Variants in MACROD2 observed in about 807,000 individuals in gnomAD.
MACROD2 encodes ADP-ribose glycohydrolase MACROD2.
In MACROD2, 36 loss-of-function variants were observed where a neutral mutation model predicts 70.4. The observed-to-expected ratio is 0.51, with a 90% CI of 0.39 to 0.68. The LOEUF is 0.68. Among genes scored for constraint, MACROD2 ranks in the 30% least tolerant of loss-of-function variants. The pLI, the probability that MACROD2 is intolerant of heterozygous loss-of-function variation, is 0.00. For missense variants in MACROD2, 496 were observed against 538.4 expected (o/e 0.92, Z 0.78); for synonymous variants, 172 against 178.8 (o/e 0.96, Z 0.30).
chr20:14,996,787 A>C (rs780852246), intron 5 of MACROD2, among the ~76,000 whole-genome samples: 6 of 152,214 alleles, frequency 3.9e-5, no homozygotes, highest in Non-Finnish European at 7.3e-5. Context: ...GCCAGTGCCC[A>C]TGGAGGGAGC....
intron 3 of MACROD2, among the ~76,000 whole-genome samples, chr20:14,274,192 A>T (rs2082227653): frequency 6.6e-6 from 1 of 152,214 alleles, no homozygotes; most frequent in Non-Finnish European, 1.5e-5. Context: ...GACATAGCCA[A>T]AAAAGAGAAT....
chr20:14,015,077 T>G (rs1335048157), intron 2 of MACROD2, among the ~76,000 whole-genome samples: 1 of 151,824 alleles, frequency 6.6e-6, no homozygotes, highest in Non-Finnish European at 1.5e-5. Flanking sequence ...ATTACAAGTG[T>G]GAGCCACTGT....
At chr20:14,106,629 G>T (rs1230301207) in intron 3 of MACROD2, among the ~76,000 whole-genome samples, 1 of 152,170 alleles carries the variant, frequency 6.6e-6, no homozygotes, top group African/African-American at 2.4e-5. Context: ...GCAGGACCTG[G>T]TGTTGTGCTG....
chr20:14,652,359 G>A (rs1209481453), intron 4 of MACROD2, among the ~76,000 whole-genome samples: 1 of 152,056 alleles, frequency 6.6e-6, no homozygotes, highest in Non-Finnish European at 1.5e-5. Context: ...TATTTCTTTT[G>A]TCGAACTGCA....
intron 5 of MACROD2, among the ~76,000 whole-genome samples, chr20:14,878,652 A>T (rs979035303): frequency 6.6e-6 from 1 of 152,210 alleles, no homozygotes; most frequent in Non-Finnish European, 1.5e-5. Context: ...GAACATTTTC[A>T]ATTCTACCTA....
chr20:15,382,711 GA>G (rs11477962), intron 6 of MACROD2, among the ~76,000 whole-genome samples: 2,746 of 152,238 alleles, frequency 0.018, 90 homozygotes, highest in African/African-American at 0.062. Flanking sequence ...TCTGAAGAAA[GA>G]ACCACTTTCA....
intron 4 of MACROD2, among the ~76,000 whole-genome samples, chr20:14,587,123 T>C (rs1981435742): frequency 6.6e-6 from 1 of 151,970 alleles, no homozygotes. Context: ...TATAGAACTT[T>C]AAAAATTGGC....
chr20:15,932,662 A>T (rs1034109749), intron 10 of MACROD2, among the ~76,000 whole-genome samples: 2 of 152,222 alleles, frequency 1.3e-5, no homozygotes. Context: ...AGATAAATCC[A>T]CAGATATAGT....
At chr20:14,643,681 C>G (rs1985217226) in intron 4 of MACROD2, among the ~76,000 whole-genome samples, 2 of 152,118 alleles carry the variant, frequency 1.3e-5, no homozygotes, top group Middle Eastern at 3.4e-3. Context: ...TAGGTTATAC[C>G]AGTGTTTGCA....
chr20:15,320,958 G>A (rs1962034532), intron 6 of MACROD2, among the ~76,000 whole-genome samples: 1 of 152,054 alleles, frequency 6.6e-6, no homozygotes, highest in African/African-American at 2.4e-5. Flanking sequence ...TTTGGGTGAG[G>A]AAAAAAACAA....
At chr20:15,721,113 G>A (rs545358502) in intron 8 of MACROD2, among the ~76,000 whole-genome samples, 24 of 152,218 alleles carry the variant, frequency 1.6e-4, no homozygotes, top group African/African-American at 5.5e-4. Context: ...CCTACACATG[G>A]GTGGGCAGAT....
chr20:14,624,760 C>T (rs1162235300), intron 4 of MACROD2, among the ~76,000 whole-genome samples: 1 of 152,098 alleles, frequency 6.6e-6, no homozygotes, highest in Non-Finnish European at 1.5e-5. Flanking sequence ...TAGCTGCATC[C>T]AAGGTGGGGG....
At chr20:15,727,089 T>C (rs930836892) in intron 8 of MACROD2, among the ~76,000 whole-genome samples, 2 of 152,146 alleles carry the variant, frequency 1.3e-5, no homozygotes, top group African/African-American at 4.8e-5. Flanking sequence ...ATAATCCATA[T>C]TTAAGTCTTT....
At chr20:14,874,275 A>G (rs1290307433) in intron 5 of MACROD2, among the ~76,000 whole-genome samples, 2 of 149,108 alleles carry the variant, frequency 1.3e-5, no homozygotes, top group Non-Finnish European at 3.0e-5. Flanking sequence ...GGAAGGCAGT[A>G]TCAAATGGAG....
At chr20:15,277,938 T>C (rs1263370989) in intron 6 of MACROD2, among the ~76,000 whole-genome samples, 1 of 152,170 alleles carries the variant, frequency 6.6e-6, no homozygotes, top group Non-Finnish European at 1.5e-5. Context: ...GGTGATGAAT[T>C]AGAGAACTTG....
At chr20:15,461,006 A>ATTTTTTTTTTTTTT (rs951397131) in intron 7 of MACROD2, among the ~76,000 whole-genome samples, 1 of 66,988 alleles carries the variant, frequency 1.5e-5, no homozygotes, top group African/African-American at 4.2e-5. Flanking sequence ...ATATATATAT[A>ATTTTTTTTTTTTTT]TTTTTTTTTA....
intron 6 of MACROD2, among the ~76,000 whole-genome samples, chr20:15,311,827 G>A (rs2077755907): frequency 6.6e-6 from 1 of 152,052 alleles, no homozygotes; most frequent in Non-Finnish European, 1.5e-5. Flanking sequence ...CTAACTGTTG[G>A]GTACTGTGCT....
intron 8 of MACROD2, among the ~76,000 whole-genome samples, chr20:15,706,119 T>C (rs73897824): frequency 0.024 from 3,671 of 152,310 alleles, 161 homozygotes; most frequent in African/African-American, 0.085. Context: ...TTTAGAAATG[T>C]TTGAGCTCAG....
At chr20:15,832,185 C>T (rs2147118250) in intron 8 of MACROD2, among the ~76,000 whole-genome samples, 1 of 152,118 alleles carries the variant, frequency 6.6e-6, no homozygotes, top group African/African-American at 2.4e-5. Context: ...TTTTTGCAGT[C>T]CTCAGTGAAT....
Sources: allele counts gnomAD v4.1 joint callset (sites outside exome capture counted in the v4.1 genomes callset), GRCh38; gene constraint gnomAD v4.1.1; transcripts MANE v1.5; gene names NCBI Gene and HGNC (gene_info 2026-07-23, HGNC 2026-07-21).